ZNF362: variants seen among roughly 807,000 people sequenced by gnomAD.
ZNF362 encodes the protein zinc finger protein 362, also known as rotund homolog.
ZNF362 carries 11 observed loss-of-function variants against 42.9 expected under a neutral mutation model. That is an observed-to-expected ratio of 0.26 (90% CI 0.16 to 0.42). ZNF362 has a LOEUF of 0.42. Among genes scored for constraint, ZNF362 ranks in the 20% least tolerant of loss-of-function variants. The pLI, the probability that ZNF362 is intolerant of heterozygous loss-of-function variation, is 1.00. For missense variants in ZNF362, 362 were observed against 576.2 expected (o/e 0.63, Z 3.81); for synonymous variants, 255 against 257.3 (o/e 0.99, Z 0.09).
chr1:33,259,415 G>A (rs1320215257), intron 1 of ZNF362, among the ~76,000 whole-genome samples: 3 of 152,182 alleles, frequency 2.0e-5, no homozygotes, highest in South Asian at 2.1e-4. Context: ...GTGTGGGTAA[G>A]GTGGGGACCG....
At chr1:33,232,671 C>A in the ZNF362 span, among the ~76,000 whole-genome samples, 1 of 152,234 alleles carries the variant, frequency 6.6e-6, no homozygotes, top group Non-Finnish European at 1.5e-5. Context: ...AGGAAGCTGA[C>A]ACCGCTTGAA....
At chr1:33,159,170 AATG>A in the ZNF362 span, among the ~76,000 whole-genome samples, 1 of 152,014 alleles carries the variant, frequency 6.6e-6, no homozygotes, top group Non-Finnish European at 1.5e-5. The surrounding 1 kb of genome is among the most constrained non-coding windows in gnomAD (Gnocchi z 4.2). Context: ...ACATGCATGA[AATG>A]ATGATGACAG....
chr1:33,220,420 G>T, the ZNF362 span, among the ~76,000 whole-genome samples: 1 of 152,088 alleles, frequency 6.6e-6, no homozygotes, highest in African/African-American at 2.4e-5. Context: ...AGATGTGGAC[G>T]CAGAAGCTCA....
chr1:33,205,390 TG>T, the ZNF362 span, among the ~76,000 whole-genome samples: 1 of 151,848 alleles, frequency 6.6e-6, no homozygotes, highest in Admixed American at 6.6e-5. Flanking sequence ...GAAGCTGAGG[TG>T]GGAGGATCAC....
At chr1:33,172,937 A>G in the ZNF362 span, among the ~76,000 whole-genome samples, 31 of 152,320 alleles carry the variant, frequency 2.0e-4, no homozygotes, top group African/African-American at 7.5e-4. Flanking sequence ...ATGAAGGCTA[A>G]AGTGAGATGG....
the ZNF362 span, among the ~76,000 whole-genome samples, chr1:33,144,874 G>A: frequency 6.6e-6 from 1 of 152,212 alleles, no homozygotes; most frequent in African/African-American, 2.4e-5. Context: ...ACAGCTCCAG[G>A]CACTGACTCT....
At chr1:33,177,374 C>T in the ZNF362 span, among the ~76,000 whole-genome samples, 3 of 152,250 alleles carry the variant, frequency 2.0e-5, no homozygotes, top group African/African-American at 7.2e-5. This position sits in a 1 kb window ranked among gnomAD's most constrained non-coding sequence, Gnocchi z 4.1. Flanking sequence ...ACATCCTTCC[C>T]AGGAACATCA....
the ZNF362 span, among the ~76,000 whole-genome samples, chr1:33,240,493 A>G: frequency 2.8e-4 from 42 of 152,318 alleles, 1 homozygote; most frequent in African/African-American, 8.2e-4. Flanking sequence ...ACACACATAC[A>G]TAGACACATA....
chr1:33,276,283 A>G (rs998384469), intron 3 of ZNF362, 65 bp from the exon 4 acceptor site: 2 of 1,551,212 alleles, frequency 1.3e-6, no homozygotes, highest in Non-Finnish European at 1.7e-6. Context: ...CGGGTGGACC[A>G]GCGGGCCTGG....
At chr1:33,176,098 C>T in the ZNF362 span, among the ~76,000 whole-genome samples, 1 of 152,218 alleles carries the variant, frequency 6.6e-6, no homozygotes, top group Admixed American at 6.5e-5. Flanking sequence ...GCATAGAAAT[C>T]CTGCCCTCTC....
chr1:33,252,868 G>C (rs1413834583), upstream of ZNF362, among the ~76,000 whole-genome samples: 3 of 152,190 alleles, frequency 2.0e-5, no homozygotes, highest in African/African-American at 7.2e-5. Context: ...GGCTGGAGCT[G>C]CCATGGAGGG....
At chr1:33,135,787 G>A in the ZNF362 span, among the ~76,000 whole-genome samples, 1 of 152,160 alleles carries the variant, frequency 6.6e-6, no homozygotes, top group African/African-American at 2.4e-5. Flanking sequence ...ATCTTTGCCT[G>A]GTCACCATCA....
At chr1:33,297,909 T>A (rs1646136880) in intron 8 of ZNF362, among the ~76,000 whole-genome samples, 1 of 152,232 alleles carries the variant, frequency 6.6e-6, no homozygotes, top group African/African-American at 2.4e-5. Context: ...CCCCCACTTT[T>A]TTTCTTTGTT....
At chr1:33,175,892 C>T in the ZNF362 span, among the ~76,000 whole-genome samples, 1 of 152,158 alleles carries the variant, frequency 6.6e-6, no homozygotes, top group Non-Finnish European at 1.5e-5. Context: ...TTGTTAGTCC[C>T]TACCAGGTCT....
intron 6 of ZNF362, among the ~76,000 whole-genome samples, chr1:33,282,505 G>A (rs1032093518): frequency 1.3e-5 from 2 of 152,310 alleles, no homozygotes; most frequent in African/African-American, 4.8e-5. Context: ...GTGAAAGGGA[G>A]ACTCAAAGCT....
At chr1:33,131,506 C>T in the ZNF362 span, among the ~76,000 whole-genome samples, 1 of 152,154 alleles carries the variant, frequency 6.6e-6, no homozygotes, top group East Asian at 1.9e-4. Flanking sequence ...GTAAAATACA[C>T]CCTAGATTTC....
the ZNF362 span, among the ~76,000 whole-genome samples, chr1:33,128,100 A>C: frequency 6.6e-6 from 1 of 151,674 alleles, no homozygotes; most frequent in Non-Finnish European, 1.5e-5. Flanking sequence ...ACGGTAGCTC[A>C]CACCTGTAAT....
chr1:33,278,738 CTG>C (rs1334677892), intron 4 of ZNF362, among the ~76,000 whole-genome samples: 1 of 152,160 alleles, frequency 6.6e-6, no homozygotes, highest in Non-Finnish European at 1.5e-5. Flanking sequence ...CCTCGTATGT[CTG>C]TGATTTGCTT....
chr1:33,276,646 G>A (rs751252262), intron 4 of ZNF362, 52 bp downstream of exon 4: 1 of 1,295,750 alleles, frequency 7.7e-7, no homozygotes, highest in Non-Finnish European at 9.8e-7. Context: ...GGCAGGAGGG[G>A]GCGGGCGTAG....
Sources: allele counts gnomAD v4.1 joint callset (sites outside exome capture counted in the v4.1 genomes callset), GRCh38; gene constraint gnomAD v4.1.1; non-coding constraint Gnocchi (gnomAD v3.1); transcripts MANE v1.5; gene names NCBI Gene and HGNC (gene_info 2026-07-23, HGNC 2026-07-21).